NYAP2: variants seen among roughly 807,000 people sequenced by gnomAD.
NYAP2 encodes the protein neuronal tyrosine-phosphorylated phosphoinositide-3-kinase adaptor 2, also known as neuronal tyrosine-phosphorylated phosphoinositide-3-kinase adapter 2.
A neutral mutation model predicts 50.4 loss-of-function variants in NYAP2; 23 were observed. The ratio of observed to expected loss-of-function variants is 0.46; its 90% CI spans 0.33 to 0.65. The LOEUF (loss-of-function observed/expected upper bound fraction) is 0.65. Ranked by LOEUF, NYAP2 falls within the 30% of genes least tolerant of loss-of-function variation. NYAP2 has a pLI of 0.02. For missense variants in NYAP2, 885 were observed against 861.0 expected, an observed-to-expected ratio of 1.03 and a Z score of -0.35; for synonymous variants, 394 against 365.2, an observed-to-expected ratio of 1.08 and a Z score of -0.90.
Position 225,399,716 on chromosome 2 carries a change from T to G in NYAP2, c.-1040T>G, listed in dbSNP as rs965489591. 1 of 151,940 alleles carries G rather than the reference T, an allele frequency of 6.6e-6. No homozygotes were observed. 9.4% of individuals were successfully genotyped at this position (151,940 alleles called of 1,614,324 possible). A position where few individuals can be genotyped will look rare whatever the true frequency, so the allele number is the denominator to read the frequency against. ...CAGCCTGAAGTACGTCAGCAGTAAT[T>G]GTGTGCATGGCTCGGCTGTGCAGGG... On this transcript the variant is annotated 5_prime_UTR_variant, in exon 1 of 7. It adds an upstream start codon to the 5' untranslated region. Coordinates refer to ENST00000636099, the Ensembl canonical transcript of NYAP2.
rs543838366 is a variant in NYAP2 at position 225,462,670 on chromosome 2, T to C, written c.222-50701T>C. On this transcript the variant is annotated intron_variant, in intron 3 of 6. Coordinates refer to ENST00000636099, the Ensembl canonical transcript of NYAP2. ...ACATTGAAATCCCTGACTTCGCAAATGTGAATGACCTGAATCAGAGCACAA... is the reference window on the plus strand; with the variant it reads ...ACATTGAAATCCCTGACTTCGCAAACGTGAATGACCTGAATCAGAGCACAA... Among the ~76,000 whole-genome samples, 482 of 152,284 alleles carry C rather than the reference T, an allele frequency of 3.2e-3. 1 individual carries two copies. The highest frequency in any genetic ancestry group is 0.011 in the African/African-American group (455 of 41,564).
At chr2:225,406,546 C>T (rs1216921403) in intron 2 of NYAP2, among the ~76,000 whole-genome samples, 2 of 151,692 alleles carry the variant, frequency 1.3e-5, no homozygotes, top group South Asian at 2.1e-4. Context: ...TTTCATAACA[C>T]GTGCTCAACA....
At chr2:225,506,712 T>G (rs1690713445) in intron 3 of NYAP2, among the ~76,000 whole-genome samples, 1 of 152,272 alleles carries the variant, frequency 6.6e-6, no homozygotes, top group African/African-American at 2.4e-5. Context: ...AGTGTAAATA[T>G]TAGTTTCTTT....
chr2:225,626,983 A>G (rs1181461477), exon 6 of NYAP2: 5 of 1,587,814 alleles, frequency 3.1e-6, no homozygotes, highest in Non-Finnish European at 4.3e-6. Flanking sequence ...GACAACAAGG[A>G]AAGAGGCCAC....
intron 3 of NYAP2, among the ~76,000 whole-genome samples, chr2:225,464,044 C>T (rs1689877463): frequency 6.6e-6 from 1 of 152,160 alleles, no homozygotes; most frequent in Non-Finnish European, 1.5e-5. Flanking sequence ...AGCAAACTGG[C>T]TTGCAGGATG....
chr2:225,405,149 A>G (rs556901022), intron 2 of NYAP2, among the ~76,000 whole-genome samples: 1 of 152,114 alleles, frequency 6.6e-6, no homozygotes, highest in South Asian at 2.1e-4. Context: ...GACTCAATGA[A>G]CTCAATTAAA....
intron 3 of NYAP2, among the ~76,000 whole-genome samples, chr2:225,447,479 A>T (rs1327048962): frequency 6.6e-6 from 1 of 152,194 alleles, no homozygotes; most frequent in Non-Finnish European, 1.5e-5. Flanking sequence ...ACATTAAGAC[A>T]ATATGGAGCT....
At chr2:225,439,927 A>G (rs1403167384) in intron 3 of NYAP2, among the ~76,000 whole-genome samples, 2 of 152,192 alleles carry the variant, frequency 1.3e-5, no homozygotes, top group African/African-American at 2.4e-5. Context: ...GAGACTTACA[A>G]TCATGGGGAG....
chr2:225,634,933 A>G (rs1049146933), intron 6 of NYAP2, among the ~76,000 whole-genome samples: 3 of 152,216 alleles, frequency 2.0e-5, no homozygotes, highest in African/African-American at 7.2e-5. Flanking sequence ...TGGAACTGCA[A>G]TTGAACTCAA....
At chr2:225,691,399 G>T in the NYAP2 span, among the ~76,000 whole-genome samples, 1 of 151,904 alleles carries the variant, frequency 6.6e-6, no homozygotes, top group African/African-American at 2.4e-5. Flanking sequence ...CTTCATTTTA[G>T]TTTTTTAACT....
At chr2:225,431,027 T>C (rs1018037319) in intron 3 of NYAP2, among the ~76,000 whole-genome samples, 2 of 152,336 alleles carry the variant, frequency 1.3e-5, no homozygotes, top group Non-Finnish European at 2.9e-5. Context: ...AAAAAGAGCT[T>C]GTTCACATAT....
the NYAP2 span, among the ~76,000 whole-genome samples, chr2:225,695,565 T>C: frequency 1.3e-5 from 2 of 151,892 alleles, no homozygotes; most frequent in African/African-American, 2.4e-5. Context: ...CTGTTCTACA[T>C]GTTGGGACCA....
chr2:225,462,266 A>G (rs1051656455), intron 3 of NYAP2, among the ~76,000 whole-genome samples: 3 of 152,196 alleles, frequency 2.0e-5, no homozygotes, highest in African/African-American at 7.2e-5. Flanking sequence ...AAAAGATCTG[A>G]AAGTTTAAGT....
At chr2:225,684,637 C>T in the NYAP2 span, among the ~76,000 whole-genome samples, 1 of 152,010 alleles carries the variant, frequency 6.6e-6, no homozygotes, top group Non-Finnish European at 1.5e-5. Flanking sequence ...TTGCAACCTC[C>T]GTCTCCTGGG....
chr2:225,463,044 G>A (rs891691165), intron 3 of NYAP2, among the ~76,000 whole-genome samples: 4 of 152,228 alleles, frequency 2.6e-5, no homozygotes, highest in Admixed American at 2.0e-4. Flanking sequence ...GGTGGAGACA[G>A]GTAAACTAGA....
At chr2:225,679,209 A>G in the NYAP2 span, among the ~76,000 whole-genome samples, 2 of 150,438 alleles carry the variant, frequency 1.3e-5, no homozygotes, top group South Asian at 2.1e-4. Flanking sequence ...TTTATTTGAG[A>G]AAAAAAAGGT....
At chr2:225,686,317 G>A in the NYAP2 span, among the ~76,000 whole-genome samples, 2 of 151,902 alleles carry the variant, frequency 1.3e-5, no homozygotes, top group East Asian at 1.9e-4. Flanking sequence ...CTAAAATTTC[G>A]CTGCAGCAAG....
intron 3 of NYAP2, among the ~76,000 whole-genome samples, chr2:225,446,128 C>G (rs1325359034): frequency 6.6e-6 from 1 of 151,288 alleles, no homozygotes; most frequent in Non-Finnish European, 1.5e-5. Flanking sequence ...TTGCAGTGAG[C>G]CCAGATTGCA....
At chr2:225,446,033 T>A (rs1191925870) in intron 3 of NYAP2, among the ~76,000 whole-genome samples, 1 of 151,858 alleles carries the variant, frequency 6.6e-6, no homozygotes, top group Non-Finnish European at 1.5e-5. Context: ...TATGGAACTT[T>A]GGAGAGGTGT....
Sources: gnomAD v4.1 joint callset for allele counts (sites outside exome capture counted in the v4.1 genomes callset) on GRCh38, gnomAD v4.1.1 for gene constraint, MANE v1.5 for transcripts, NCBI Gene and HGNC (gene_info 2026-07-23, HGNC 2026-07-21) for gene names.